FLNB: variants seen among roughly 807,000 people sequenced by gnomAD.
The protein encoded by FLNB is filamin B.
FLNB carries 111 observed loss-of-function variants against 250.6 expected under a neutral mutation model. The observed-to-expected ratio is 0.44, with a 90% CI of 0.38 to 0.52. The LOEUF (loss-of-function observed/expected upper bound fraction) is 0.52. FLNB is among the 20% of genes least tolerant of loss of function. The pLI is 0.00. For missense variants in FLNB, 2,869 were observed against 3,447.8 expected (o/e 0.83, Z 4.20); for synonymous variants, 1,302 against 1,372.1 (o/e 0.95, Z 1.13).
rs527875453 is a variant in FLNB at position 58,090,035 on chromosome 3, G to A, written c.788-4801G>A. Among the ~76,000 whole-genome samples the A allele has an allele frequency of 2.9e-4, 44 of 152,116 alleles. 1 individual carries two copies. The South Asian group carries it at 8.3e-3, about 29-fold the overall frequency. ...CTCCTGACCTTAGGTGATCCACCTCGGTAATCCACCTTAGGTGATCCAAAG... is the reference window on the plus strand; with the variant it reads ...CTCCTGACCTTAGGTGATCCACCTCAGTAATCCACCTTAGGTGATCCAAAG... On this transcript the variant is annotated intron_variant, in intron 4 of 45. Transcript: ENST00000295956.
At chr3:58,073,312 C>G (rs1576671540) in intron 1 of FLNB, among the ~76,000 whole-genome samples, 1 of 152,262 alleles carries the variant, frequency 6.6e-6, no homozygotes, top group African/African-American at 2.4e-5. Flanking sequence ...CACTTCAAAA[C>G]AACAACCAAA....
At chr3:58,153,309 G>A (rs1255696981) in intron 38 of FLNB, 66 bp from the exon 39 acceptor site, 2 of 1,590,052 alleles carry the variant, frequency 1.3e-6, no homozygotes, top group Admixed American at 1.7e-5. Context: ...TGCCCTGCAT[G>A]TCCTGCCCTG....
rs369238587 is a variant in FLNB at position 58,148,330 on chromosome 3, C to G, written c.5853C>G (p.Pro1951=). 1.1e-5 allele frequency: 18 copies of G among 1,614,004 alleles called. No homozygotes were observed. Among genetic ancestry groups the G allele is most frequent in the Non-Finnish European group, 1.4e-5 (17 of 1,179,972 alleles). Residue 1951 remains proline, a synonymous_variant, in exon 35 of 46, where the codon CCC becomes CCG. Coordinates refer to ENST00000295956, the MANE Select transcript of FLNB (RefSeq NM_001457.4). The part of the protein sequence containing the change: ...SIKAPSGRDE[P]CLLKRLPNNH... Reference sequence around the variant, plus strand: ...AGGCCCCATCTGGCCGAGACGAGCCCTGTCTCCTGAAGAGGCTGCCCAACA... The same window carrying G: ...AGGCCCCATCTGGCCGAGACGAGCCGTGTCTCCTGAAGAGGCTGCCCAACA...
chr3:58,159,473 C>T, intron 41 of FLNB, 81 bp from the exon 42 acceptor site: 1 of 1,412,574 alleles, frequency 7.1e-7, no homozygotes. Flanking sequence ...AACTGTCACC[C>T]ACAGTTTTGG....
intron 1 of FLNB, among the ~76,000 whole-genome samples, chr3:58,062,847 T>C (rs2097180465): frequency 6.6e-6 from 1 of 152,162 alleles, no homozygotes; most frequent in South Asian, 2.1e-4. Flanking sequence ...GAACCAGAAT[T>C]GAATGGCTTG....
chr3:58,109,293 G>T lies in FLNB; in HGVS notation c.2170G>T (p.Gly724Cys), dbSNP rs766711540. 20 of 1,614,042 alleles carry T rather than the reference G, an allele frequency of 1.2e-5. No individual in the cohort carries two copies. Among genetic ancestry groups the T allele is most frequent in the Non-Finnish European group, 1.7e-5 (20 of 1,180,030 alleles). ...IKHTIAVVWG[G>C]VNIPHSPYRV... ...GCACACCATTGCTGTGGTCTGGGGA[G>T]GCGTGAACATCCCGCACAGCCCCTA... Residue 724 changes from glycine to cysteine, a missense_variant, in exon 14 of 46, where the codon GGC (glycine) becomes TGC (cysteine). By Grantham distance (159) the Gly-to-Cys change is radical. Around this residue, in one of 5 missense-constraint regions of FLNB, gnomAD observed 1,348 missense variants for 1,466.7 expected, o/e 0.92. Transcript: ENST00000295956.
chr3:58,156,700 T>TTTG (rs1295412677), intron 41 of FLNB, among the ~76,000 whole-genome samples: 3 of 152,048 alleles, frequency 2.0e-5, no homozygotes, highest in Non-Finnish European at 4.4e-5. Context: ...TTTTTGTTTG[T>TTTG]TTGTTGTTGT....
rs1423928967 is a variant in FLNB at position 58,171,686 on chromosome 3, T to A, written c.*924T>A. The A allele has an allele frequency of 6.6e-6, 1 of 152,386 alleles. No homozygotes were observed. The highest frequency in any genetic ancestry group is 1.5e-5 in the Non-Finnish European group (1 of 68,216). The allele number at this position is 152,386 out of a possible 1,614,324, so 9.4% of individuals were successfully genotyped here. A position where few individuals can be genotyped will look rare whatever the true frequency, so the allele number is the denominator to read the frequency against. Reference sequence around the variant, plus strand: ...ATGGATTAACGCCCTCATCCCAAGGTCCGTCCCATGACATAACACTCCACA... The same window carrying A: ...ATGGATTAACGCCCTCATCCCAAGGACCGTCCCATGACATAACACTCCACA... On this transcript the variant is annotated 3_prime_UTR_variant, in exon 46 of 46. Transcript: ENST00000295956. The surrounding 1 kb of genome is among the most constrained non-coding windows in gnomAD (Gnocchi z 5.5).
At chr3:58,141,279 T>C (rs1386908078) in intron 29 of FLNB, among the ~76,000 whole-genome samples, 1 of 152,158 alleles carries the variant, frequency 6.6e-6, no homozygotes, top group East Asian at 1.9e-4. Context: ...TTAACCACAG[T>C]AGACATTTAT....
intron 28 of FLNB, among the ~76,000 whole-genome samples, chr3:58,137,279 A>G (rs13433790): frequency 0.017 from 2,652 of 152,318 alleles, 82 homozygotes; most frequent in African/African-American, 0.059. Flanking sequence ...AAAAAATGGA[A>G]AAATTTTGGA....
chr3:58,090,722 G>A (rs756935810), intron 4 of FLNB, among the ~76,000 whole-genome samples: 6 of 152,148 alleles, frequency 3.9e-5, no homozygotes, highest in Admixed American at 6.5e-5. Context: ...GAAGAAGTAT[G>A]CATTATAACC....
intron 1 of FLNB, among the ~76,000 whole-genome samples, chr3:58,022,939 T>C (rs1269778720): frequency 6.6e-6 from 1 of 151,784 alleles, no homozygotes; most frequent in Non-Finnish European, 1.5e-5. Context: ...TGCCTCAGCC[T>C]CCCGAGTAGC....
At position 58,153,693 on chromosome 3, in the gene FLNB, G is replaced by A. The variant is rs749034026; in HGVS notation, c.6634+52G>A. The stretch of plus-strand genomic sequence containing the variant: ...TTGGGAAGAATAGAGTTGAGCCCAG[G>A]CAGTGTGGGCACCCACATACTTTTT... On this transcript the variant is annotated intron_variant, in intron 39 of 45. Coordinates refer to ENST00000295956, the MANE Select transcript of FLNB (RefSeq NM_001457.4). 7 of 1,601,256 alleles carry A rather than the reference G, an allele frequency of 4.4e-6. No homozygotes were observed. In the South Asian group the frequency reaches 4.4e-5, roughly 10 times the overall value.
At chr3:58,039,046 AAGAC>A (rs2097142347) in intron 1 of FLNB, among the ~76,000 whole-genome samples, 1 of 150,364 alleles carries the variant, frequency 6.7e-6, no homozygotes, top group Non-Finnish European at 1.5e-5. Context: ...TTTTAAAAAA[AAGAC>A]AAGATCTCGC....
At chr3:58,132,995 C>T in intron 26 of FLNB, 64 bp downstream of exon 26, 3 of 1,538,634 alleles carry the variant, frequency 1.9e-6, no homozygotes, top group Non-Finnish European at 2.6e-6. Context: ...ATCCATTCCT[C>T]CATCAGTCCA....
chr3:58,066,811 A>C (rs1051431728), intron 1 of FLNB, among the ~76,000 whole-genome samples: 5 of 152,226 alleles, frequency 3.3e-5, no homozygotes, highest in Non-Finnish European at 7.3e-5. Flanking sequence ...TGTTTGGGAT[A>C]ATTTATGAAG....
chr3:58,123,900 CCTGTTTT>C (rs2097293292), intron 21 of FLNB, among the ~76,000 whole-genome samples: 2 of 152,048 alleles, frequency 1.3e-5, no homozygotes, highest in African/African-American at 4.8e-5. Flanking sequence ...CTACTCAACC[CCTGTTTT>C]CTGTTTCTCC....
intron 1 of FLNB, among the ~76,000 whole-genome samples, chr3:58,009,914 G>A (rs1284582001): frequency 6.6e-6 from 1 of 152,158 alleles, no homozygotes; most frequent in Non-Finnish European, 1.5e-5. Flanking sequence ...CTTCCCAGAG[G>A]GCCACAAGGC....
rs142229998 is a variant in FLNB at position 58,168,610 on chromosome 3, G to A, written c.7369G>A (p.Gly2457Ser). The change falls in exon 44 of 46, where the codon GGT becomes AGT. Residue 2457 changes from glycine (G) to serine (S), a missense_variant. Physicochemically the swap from Gly to Ser is moderately conservative, Grantham distance 56. Coordinates refer to ENST00000295956, the MANE Select transcript of FLNB (RefSeq NM_001457.4). ...PGNYLISVKY[G>S]GPNHIVGSPF... The stretch of plus-strand genomic sequence containing the variant: ...TAACTACCTGATCAGCGTCAAATAC[G>A]GTGGGCCCAACCACATCGTGGGCAG... The A allele has an allele frequency of 4.8e-5, 77 of 1,614,124 alleles. No individual in the cohort carries two copies. The highest frequency in any genetic ancestry group is 3.7e-4 in the African/African-American group (28 of 75,034).
Sources: gnomAD v4.1 joint callset for allele counts (sites outside exome capture counted in the v4.1 genomes callset) on GRCh38, gnomAD v4.1.1 for gene constraint, gnomAD v4.1.1 regional missense constraint, Gnocchi (gnomAD v3.1) non-coding constraint, MANE v1.5 for transcripts, NCBI Gene and HGNC (gene_info 2026-07-23, HGNC 2026-07-21) for gene names.